SDS: variants seen among roughly 807,000 people sequenced by gnomAD.
SDS encodes the protein serine dehydratase.
In SDS, 19 loss-of-function variants were observed where a neutral mutation model predicts 29.3. That is an observed-to-expected ratio of 0.65 (90% confidence interval 0.45 to 0.95). SDS has a LOEUF of 0.95. Ranked by LOEUF, SDS falls within the 40% of genes least tolerant of loss-of-function variation. SDS has a pLI of 0.00. For synonymous variants in SDS, 176 were observed against 189.0 expected, an observed-to-expected ratio of 0.93 and a Z score of 0.56; for missense variants, 375 against 439.9, an observed-to-expected ratio of 0.85 and a Z score of 1.32.
At chr12:113,395,128 G>C (rs187849835) in intron 6 of SDS, among the ~76,000 whole-genome samples, 6 of 152,298 alleles carry the variant, frequency 3.9e-5, no homozygotes, top group Admixed American at 3.9e-4. Context: ...GAGTGCTGGA[G>C]CTGGGGCTGC....
At position 113,397,161 on chromosome 12, in the gene SDS, T is replaced by C. The variant is rs761054690; in HGVS notation, c.653+4A>G. 7.4e-6 allele frequency: 12 copies of C among 1,613,762 alleles called. No individual in the cohort carries two copies. In the Admixed American group the frequency reaches 8.3e-5, roughly 11 times the overall value. ...CACCCGAGGGAGGCACCCCAGCTGC[T>C]CACCTGGTGATCTTGGGCAGGGAGA... On this transcript the variant is annotated splice_donor_region_variant and intron_variant, in intron 6 of 7. Coordinates refer to ENST00000257549, the MANE Select transcript of SDS (RefSeq NM_006843.3).
chr12:113,398,817 C>A lies in SDS; in HGVS notation c.223G>T (p.Ala75Ser), dbSNP rs1445526349. 2.5e-6 allele frequency: 4 copies of A among 1,608,366 alleles called. No homozygotes were observed. Among genetic ancestry groups the A allele is most frequent in the Non-Finnish European group, 3.4e-6 (4 of 1,178,008 alleles). The change falls in exon 4 of 8, where the codon GCG becomes TCG. Residue 75 changes from alanine (A) to serine (S), a missense_variant. Coordinates refer to ENST00000257549, the MANE Select transcript of SDS (RefSeq NM_006843.3). ...GCGGGGACGCCGAGTTGCCTGGCCG[C>A]ATATGCAGCCGCCATGCCTGCGTTG... ...AGNAGMAAAY[A>S]ARQLGVPATI... is the part of the protein sequence containing the mutation.
In SDS at chr12:113,397,210, G is replaced by C; in HGVS notation, c.608C>G (p.Ala203Gly). The C allele has an allele frequency of 6.2e-7, 1 of 1,614,206 alleles. No individual in the cohort carries two copies. Among genetic ancestry groups the C allele is most frequent in the Non-Finnish European group, 8.5e-7 (1 of 1,180,028 alleles). ...GACAAGTTTGCCTGCGGTGGTGGCA[G>C]CGTGGAAGCTGTGGGCACCAAAAGT... ...METFGAHSFHAATTAGKLVSL... is the reference protein window; with the variant it reads ...METFGAHSFHGATTAGKLVSL... The change falls in exon 6 of 8, where the codon GCT becomes GGT. Residue 203 changes from alanine to glycine, a missense_variant. Ala to Gly is a moderately conservative substitution (Grantham distance 60). Coordinates refer to ENST00000257549, the MANE Select transcript of SDS (RefSeq NM_006843.3).
At position 113,398,871 on chromosome 12, in the gene SDS, G is replaced by T. The variant is rs751919549; in HGVS notation, c.194-25C>A. The T allele has an allele frequency of 1.9e-6, 3 of 1,579,990 alleles. No homozygotes were observed. In the South Asian group the frequency reaches 3.4e-5, roughly 18 times the overall value. ...GCTGCCAGGGTCGGGGGTGGAGAGC[G>T]TGTCAGTGCGGGAGCATCTGGGAGC... On this transcript the variant is annotated intron_variant, in intron 3 of 7. Coordinates refer to ENST00000257549, the MANE Select transcript of SDS (RefSeq NM_006843.3).
In SDS at chr12:113,399,712, TG is replaced by T. The variant is rs771424995; in HGVS notation, c.-2-3del. On this transcript the variant is annotated splice_polypyrimidine_tract_variant and splice_region_variant and intron_variant, in intron 1 of 7. Coordinates refer to ENST00000257549, the MANE Select transcript of SDS (RefSeq NM_006843.3). ...GCAGGGGTTCTCCAGACATCATTCCTGGGAGAAAGGAAGGAAACCCAGAGGG... is the reference window on the plus strand; with the variant it reads ...GCAGGGGTTCTCCAGACATCATTCCTGGAGAAAGGAAGGAAACCCAGAGGG... 1 of 1,567,118 alleles carries T rather than the reference TG, an allele frequency of 6.4e-7. No individual in the cohort carries two copies. Among genetic ancestry groups the T allele is most frequent in the Non-Finnish European group, 8.6e-7 (1 of 1,156,432 alleles).
chr12:113,401,239 A>C (rs1032090483), intron 1 of SDS, among the ~76,000 whole-genome samples: 4 of 152,216 alleles, frequency 2.6e-5, no homozygotes, highest in Non-Finnish European at 5.9e-5. Flanking sequence ...GTAGATGTTC[A>C]ATAAATATTT....
intron 6 of SDS, 84 bp downstream of exon 6, chr12:113,397,081 C>T: frequency 5.0e-6 from 6 of 1,193,386 alleles, no homozygotes; most frequent in Non-Finnish European, 7.3e-6. Context: ...AACAGGCTGA[C>T]ATCAGGATCT....
chr12:113,399,294 T>G, intron 2 of SDS, 143 bp from the exon 3 acceptor site: 1 of 939,604 alleles, frequency 1.1e-6, no homozygotes, highest in Non-Finnish European at 1.7e-6. Context: ...TGTCTGAGAC[T>G]GCACCTCCCA....
At chr12:113,402,387 G>A (rs997130446) in intron 1 of SDS, among the ~76,000 whole-genome samples, 2 of 152,140 alleles carry the variant, frequency 1.3e-5, no homozygotes, top group African/African-American at 4.8e-5. Context: ...CCGCCTTCTG[G>A]GTTCAAGCGA....
intron 5 of SDS, among the ~76,000 whole-genome samples, chr12:113,397,641 G>A (rs910068679): frequency 3.3e-4 from 50 of 152,128 alleles, no homozygotes; most frequent in African/African-American, 9.7e-4. Flanking sequence ...GCTACGAGTC[G>A]GTGTACAAAC....
chr12:113,399,006 C>G lies in SDS; in HGVS notation c.193+106G>C. 4 of 1,564,660 alleles carry G rather than the reference C, an allele frequency of 2.6e-6. No homozygotes were observed. The South Asian group carries it at 4.5e-5, about 18-fold the overall frequency. ...GGAATTCCAAATTGGTGGCTGCTGC[C>G]ATTGTTTTCAGTGGCACATTGCTGG... is the stretch of plus-strand genomic sequence containing the variant. On this transcript the variant is annotated intron_variant, in intron 3 of 7. Transcript: ENST00000257549.
In SDS at chr12:113,392,854, A is replaced by G; in HGVS notation, c.*87T>C. On this transcript the variant is annotated 3_prime_UTR_variant, in exon 8 of 8. Coordinates refer to ENST00000257549, the MANE Select transcript of SDS (RefSeq NM_006843.3). Reference sequence around the variant, plus strand: ...GCACCCAGGCCACAGGTGCTCAGCCAAACATACGACGAGGCGCTGGATAAA... The same window carrying G: ...GCACCCAGGCCACAGGTGCTCAGCCGAACATACGACGAGGCGCTGGATAAA... 2.3e-6 allele frequency: 3 copies of G among 1,313,422 alleles called. No individual in the cohort carries two copies. The highest frequency in any genetic ancestry group is 3.2e-6 in the Non-Finnish European group (3 of 925,558). The allele number at this position is 1,313,422 out of a possible 1,614,324, so 81.4% of individuals were successfully genotyped here.
chr12:113,402,022 A>G (rs1049728872), intron 1 of SDS, among the ~76,000 whole-genome samples: 1 of 152,138 alleles, frequency 6.6e-6, no homozygotes, highest in South Asian at 2.1e-4. Flanking sequence ...CCCCGCTCCC[A>G]GAATGAGCCA....
chr12:113,398,911 G>C (rs1017589931), intron 3 of SDS, 65 bp from the exon 4 acceptor site: 1 of 1,541,648 alleles, frequency 6.5e-7, no homozygotes, highest in Non-Finnish European at 8.7e-7. Flanking sequence ...GCAGGACTGC[G>C]TACCCTCTAC....
In SDS at chr12:113,397,358, CCTT is replaced by C. The variant is rs1565869668; in HGVS notation, c.457_459del (p.Lys153del). 6.2e-7 allele frequency: 1 copy of C among 1,612,192 alleles called. No individual in the cohort carries two copies. Among genetic ancestry groups the C allele is most frequent in the Admixed American group, 1.7e-5 (1 of 59,980 alleles). ...GCCCCCGGCTTTTCCCACAGTGTCT[CCTT>C]CAGCTCTTTCACGATGGAAGCGTGG... On this transcript the variant is annotated inframe_deletion, in exon 6 of 8. Coordinates refer to ENST00000257549, the MANE Select transcript of SDS (RefSeq NM_006843.3).
Position 113,392,999 on chromosome 12 carries a change from A to C in SDS, c.929T>G (p.Leu310Arg). ...TTCCTTGAGCGCCCGCAGCTGGGCC[A>C]GGCTGATGTTGCTGCCCCCGCAGAC... ...VIVCGGSNIS[L>R]AQLRALKEQL... The change falls in exon 8 of 8, where the codon CTG becomes CGG. Residue 310 changes from leucine (L) to arginine (R), a missense_variant. Physicochemically the swap from Leu to Arg is moderately radical, Grantham distance 102. Coordinates refer to ENST00000257549, the MANE Select transcript of SDS (RefSeq NM_006843.3). 1.2e-6 allele frequency: 2 copies of C among 1,614,196 alleles called. No individual in the cohort carries two copies. Among genetic ancestry groups the C allele is most frequent in the African/African-American group, 2.7e-5 (2 of 75,072 alleles).
chr12:113,398,239 T>A (rs905492414), intron 5 of SDS, among the ~76,000 whole-genome samples: 2 of 151,788 alleles, frequency 1.3e-5, no homozygotes, highest in Non-Finnish European at 2.9e-5. Flanking sequence ...TACAGGTAAT[T>A]TTTGTATTTT....
Position 113,398,853 on chromosome 12 carries a change from G to C in SDS, c.194-7C>G, listed in dbSNP as rs1474155607. 6.3e-7 allele frequency: 1 copy of C among 1,596,144 alleles called. No homozygotes were observed. The highest frequency in any genetic ancestry group is 2.3e-5 in the East Asian group (1 of 43,824). ...GCCATGCCTGCGTTGCCCGCTGCCA[G>C]GGTCGGGGGTGGAGAGCGTGTCAGT... On this transcript the variant is annotated splice_region_variant and splice_polypyrimidine_tract_variant and intron_variant, in intron 3 of 7. Coordinates refer to ENST00000257549, the MANE Select transcript of SDS (RefSeq NM_006843.3).
rs768411153 is a variant in SDS at position 113,398,517 on chromosome 12, G to A, written c.423C>T (p.Ile141=). ...VYIPPFDDPL[I]WEGHASIVKE... is the part of the protein sequence containing the mutation. ...AAGTGACCTTGAACTCCACATACCA[G>A]ATGAGGGGGTCATCAAAGGGGGGAA... Residue 141 remains isoleucine, a splice_region_variant and synonymous_variant, in exon 5 of 8, where the codon ATC becomes ATT. Transcript: ENST00000257549. 6.3e-7 allele frequency: 1 copy of A among 1,588,544 alleles called. No homozygotes were observed. The highest frequency in any genetic ancestry group is 8.6e-7 in the Non-Finnish European group (1 of 1,168,250).
Sources: allele counts gnomAD v4.1 joint callset (sites outside exome capture counted in the v4.1 genomes callset), GRCh38; gene constraint gnomAD v4.1.1; transcripts MANE v1.5; gene names NCBI Gene and HGNC (gene_info 2026-07-23, HGNC 2026-07-21).